Variants in SMURF2 observed in about 807,000 individuals in gnomAD.
The protein encoded by SMURF2 is SMAD specific E3 ubiquitin protein ligase 2, also known as E3 ubiquitin-protein ligase SMURF2.
SMURF2 carries 48 observed loss-of-function variants against 109.6 expected under a neutral mutation model. That is an observed-to-expected ratio of 0.44 (90% confidence interval 0.35 to 0.56). The LOEUF (loss-of-function observed/expected upper bound fraction) is 0.56, where lower values mean the gene tolerates loss of function less well. Among genes scored for constraint, SMURF2 ranks in the 20% least tolerant of loss-of-function variants. The pLI, the probability that SMURF2 is intolerant of heterozygous loss-of-function variation, is 0.01. For missense variants in SMURF2, 575 were observed against 909.0 expected, an observed-to-expected ratio of 0.63 and a Z score of 4.72; for synonymous variants, 288 against 317.1, an observed-to-expected ratio of 0.91 and a Z score of 0.97.
intron 10 of SMURF2, among the ~76,000 whole-genome samples, chr17:64,569,753 G>A (rs535985913): frequency 5.3e-4 from 81 of 152,224 alleles, no homozygotes; most frequent in Non-Finnish European, 1.0e-3. Context: ...AGACTAAACT[G>A]GCATAGCCAC....
At chr17:64,636,929 T>C (rs373834161) in intron 1 of SMURF2, among the ~76,000 whole-genome samples, 14 of 152,242 alleles carry the variant, frequency 9.2e-5, no homozygotes, top group African/African-American at 3.4e-4. Context: ...TTAATTTTGA[T>C]AGAGTCTAGG....
chr17:64,634,848 TTTACAGA>T (rs1970394478), intron 1 of SMURF2, among the ~76,000 whole-genome samples: 2 of 152,022 alleles, frequency 1.3e-5, no homozygotes, highest in African/African-American at 4.8e-5. Flanking sequence ...AAGCCTGGAG[TTTACAGA>T]GTTTGGAGGC....
intron 1 of SMURF2, among the ~76,000 whole-genome samples, chr17:64,656,733 T>C (rs1299975717): frequency 1.3e-5 from 2 of 152,210 alleles, no homozygotes; most frequent in East Asian, 3.8e-4. Flanking sequence ...ATAAAAAATT[T>C]GGAAATAAAC....
rs1555686476 is a variant in SMURF2 at position 64,580,778 on chromosome 17, AGTT to A, written c.772+8_772+10del. ...AAACCACATTTTATTTTTCCTTTGT[AGTT>A]GTCATACCATAGCCTTCTGGTAGGT... is the stretch of plus-strand genomic sequence containing the variant. On this transcript the variant is annotated splice_region_variant and intron_variant, in intron 8 of 18. Coordinates refer to ENST00000262435, the MANE Select transcript of SMURF2 (RefSeq NM_022739.4). 6.2e-7 allele frequency: 1 copy of A among 1,610,934 alleles called. No individual in the cohort carries two copies. The highest frequency in any genetic ancestry group is 8.5e-7 in the Non-Finnish European group (1 of 1,177,546).
Position 64,661,993 on chromosome 17 carries a change from G to A in SMURF2, c.-113C>T. 1.3e-5 allele frequency: 14 copies of A among 1,105,226 alleles called. No homozygotes were observed. Among genetic ancestry groups the A allele is most frequent in the Non-Finnish European group, 1.5e-5 (14 of 907,738 alleles). The allele number at this position is 1,105,226 out of a possible 1,614,324, so 68.5% of individuals were successfully genotyped here. Reference sequence around the variant, plus strand: ...GGCCCGAGCAGCCGGCGCCTCGGCCGCCACGGCCGGAGGGTCCCGGATGTG... The same window carrying A: ...GGCCCGAGCAGCCGGCGCCTCGGCCACCACGGCCGGAGGGTCCCGGATGTG... On this transcript the variant is annotated 5_prime_UTR_variant, in exon 1 of 19. Transcript: ENST00000262435.
chr17:64,654,048 A>T (rs2144737267), intron 1 of SMURF2, among the ~76,000 whole-genome samples: 1 of 152,346 alleles, frequency 6.6e-6, no homozygotes, highest in Middle Eastern at 3.4e-3. Flanking sequence ...AAAACAGATC[A>T]GTGGTTGACA....
intron 6 of SMURF2, among the ~76,000 whole-genome samples, chr17:64,584,179 G>A (rs1374062527): frequency 1.7e-4 from 26 of 151,330 alleles, no homozygotes; most frequent in African/African-American, 5.3e-4. Flanking sequence ...TTAGCCGGGC[G>A]TGGTAGCATG....
intron 12 of SMURF2, 110 bp from the exon 13 acceptor site, chr17:64,557,832 C>CA (rs1969147851): frequency 6.8e-6 from 4 of 592,244 alleles, no homozygotes; most frequent in Non-Finnish European, 1.2e-5. Flanking sequence ...TAATAAAAGG[C>CA]AAAAAAGCAC....
intron 10 of SMURF2, among the ~76,000 whole-genome samples, chr17:64,566,958 C>T (rs1362211115): frequency 6.6e-6 from 1 of 151,354 alleles, no homozygotes; most frequent in Non-Finnish European, 1.5e-5. Context: ...ACACCCTCTA[C>T]CTCCCAGGTT....
Position 64,547,715 on chromosome 17 carries a change from A to T in SMURF2, c.1956T>A (p.Ile652=). The change falls in exon 17 of 19, where the codon ATT becomes ATA. Residue 652 remains isoleucine (I), a synonymous_variant. Transcript: ENST00000262435. This position sits in a 1 kb window ranked among gnomAD's most constrained non-coding sequence, Gnocchi z 4.2. ...CCACAGCTTTCCAGAACCATTTGAC[A>T]ATGTTGCTGTCTGGTGTACAGTGTT... ...RLKHCTPDSN[I]VKWFWKAVEF... 6.2e-7 allele frequency: 1 copy of T among 1,614,124 alleles called. No individual in the cohort carries two copies. Among genetic ancestry groups the T allele is most frequent in the Non-Finnish European group, 8.5e-7 (1 of 1,180,016 alleles).
chr17:64,597,238 T>G (rs1468337304), intron 3 of SMURF2, among the ~76,000 whole-genome samples: 4 of 151,852 alleles, frequency 2.6e-5, no homozygotes, highest in African/African-American at 7.3e-5. Flanking sequence ...ACCCCATCTC[T>G]ACAAAAAATT....
chr17:64,631,854 G>C (rs1353253773), intron 1 of SMURF2, among the ~76,000 whole-genome samples: 1 of 149,624 alleles, frequency 6.7e-6, no homozygotes, highest in African/African-American at 2.5e-5. Context: ...CACCAGACAG[G>C]ATCAGCAACA....
chr17:64,549,262 CAAAAA>C (rs577973821), intron 16 of SMURF2, among the ~76,000 whole-genome samples: 235 of 41,556 alleles, frequency 5.7e-3, no homozygotes, highest in African/African-American at 0.018. Flanking sequence ...ACTGTGTCTC[CAAAAA>C]AAAAAAAAAA....
intron 2 of SMURF2, among the ~76,000 whole-genome samples, chr17:64,604,033 C>A (rs1419181296): frequency 4.6e-5 from 7 of 152,202 alleles, no homozygotes; most frequent in African/African-American, 1.7e-4. Flanking sequence ...TCAATAAACA[C>A]ACATTCATTT....
chr17:64,650,910 TAA>T (rs60191277), intron 1 of SMURF2, among the ~76,000 whole-genome samples: 2 of 143,634 alleles, frequency 1.4e-5, no homozygotes. Flanking sequence ...GCACGGTGGT[TAA>T]AAAAAAAAAA....
chr17:64,552,685 T>G lies in SMURF2; in HGVS notation c.1749-981A>C, dbSNP rs141704576. Among the ~76,000 whole-genome samples, 8 of 152,086 alleles carry G rather than the reference T, an allele frequency of 5.3e-5. No individual in the cohort carries two copies. The East Asian group carries it at 1.5e-3, about 29-fold the overall frequency. On this transcript the variant is annotated intron_variant, in intron 15 of 18. Coordinates refer to ENST00000262435, the MANE Select transcript of SMURF2 (RefSeq NM_022739.4). ...GAGACACTGCTAAGACTTAGGAAATTCTCATTTGTTCTTTTTTTATTATTT... is the reference window on the plus strand; with the variant it reads ...GAGACACTGCTAAGACTTAGGAAATGCTCATTTGTTCTTTTTTTATTATTT...
At chr17:64,619,478 CAAAAAAAAA>C (rs552413988) in intron 1 of SMURF2, among the ~76,000 whole-genome samples, 2 of 34,930 alleles carry the variant, frequency 5.7e-5, no homozygotes, top group South Asian at 9.7e-4. Flanking sequence ...ACTCTTGTCT[CAAAAAAAAA>C]AAAAAAAAAA....
chr17:64,650,245 C>T (rs1336008711), intron 1 of SMURF2, among the ~76,000 whole-genome samples: 2 of 150,554 alleles, frequency 1.3e-5, no homozygotes, highest in Non-Finnish European at 3.0e-5. Flanking sequence ...CTATGTTGCC[C>T]AGGCTGGTCT....
intron 1 of SMURF2, among the ~76,000 whole-genome samples, chr17:64,617,920 C>T (rs1555690271): frequency 3.9e-5 from 6 of 152,022 alleles, no homozygotes; most frequent in Admixed American, 3.9e-4. Context: ...CAAGATGAGA[C>T]TATACAAATA....
Sources: gnomAD v4.1 joint callset for allele counts (sites outside exome capture counted in the v4.1 genomes callset) on GRCh38, gnomAD v4.1.1 for gene constraint, Gnocchi (gnomAD v3.1) non-coding constraint, MANE v1.5 for transcripts, NCBI Gene and HGNC (gene_info 2026-07-23, HGNC 2026-07-21) for gene names.